SKA2: variants seen among roughly 807,000 people sequenced by gnomAD.
The protein encoded by SKA2 is spindle and kinetochore associated complex subunit 2.
In SKA2, 13 loss-of-function variants were observed where a neutral mutation model predicts 16.9. The ratio of observed to expected loss-of-function variants is 0.77; its 90% CI spans 0.50 to 1.22. The LOEUF is 1.22. Ranked by LOEUF, SKA2 falls within the 50% of genes most tolerant of loss-of-function variation. The pLI, the probability that SKA2 is intolerant of heterozygous loss-of-function variation, is 0.00. For missense variants in SKA2, 107 were observed against 139.7 expected (o/e 0.77, Z 1.18); for synonymous variants, 47 against 48.5 (o/e 0.97, Z 0.13).
chr17:59,147,839 A>AG (rs1002772231), intron 1 of SKA2, among the ~76,000 whole-genome samples: 3 of 151,832 alleles, frequency 2.0e-5, no homozygotes, highest in African/African-American at 7.2e-5. Context: ...CAAAAAAAAA[A>AG]AAAAAAATTT....
intron 1 of SKA2, among the ~76,000 whole-genome samples, chr17:59,136,716 G>GA (rs1185678022): frequency 2.7e-5 from 4 of 150,884 alleles, no homozygotes; most frequent in Non-Finnish European, 4.4e-5. Flanking sequence ...ACCCAGCTAA[G>GA]TTTTGTATTT....
intron 1 of SKA2, chr17:59,137,873 A>AT (rs772253516): frequency 2.8e-5 from 14 of 498,662 alleles, no homozygotes; most frequent in East Asian, 1.2e-4. Context: ...GATAAACAGA[A>AT]TTTTTTTTAG....
intron 1 of SKA2, chr17:59,137,840 T>C (rs2046457723): frequency 1.9e-6 from 1 of 529,056 alleles, no homozygotes; most frequent in Non-Finnish European, 3.9e-6. Context: ...AGAGACAATA[T>C]TGATAGGGTT....
At chr17:59,144,458 T>C (rs1337354515) in intron 1 of SKA2, among the ~76,000 whole-genome samples, 1 of 152,184 alleles carries the variant, frequency 6.6e-6, no homozygotes, top group East Asian at 1.9e-4. Flanking sequence ...GATATGTGTA[T>C]ACCCATTTTC....
At position 59,143,964 on chromosome 17, in the gene SKA2, C is replaced by G. The variant is rs547844072; in HGVS notation, c.33+11167G>C. On this transcript the variant is annotated intron_variant, in intron 1 of 3. Transcript: ENST00000330137. ...TGATGTCAAGAGATTGAGACCATCC[C>G]GGCCAACATGGTGAAACCCTGTCTC... Among the ~76,000 whole-genome samples the G allele has an allele frequency of 3.9e-5, 6 of 151,976 alleles. 1 individual carries two copies. Among genetic ancestry groups the G allele is most frequent in the African/African-American group, 1.4e-4 (6 of 41,490 alleles).
chr17:59,149,213 C>T (rs957677258), intron 1 of SKA2, among the ~76,000 whole-genome samples: 1 of 152,132 alleles, frequency 6.6e-6, no homozygotes, highest in Non-Finnish European at 1.5e-5. Flanking sequence ...GAAAACATTA[C>T]GTCCACACAA....
intron 1 of SKA2, among the ~76,000 whole-genome samples, chr17:59,136,947 T>C (rs956349046): frequency 1.3e-5 from 2 of 152,254 alleles, no homozygotes; most frequent in African/African-American, 4.8e-5. Flanking sequence ...TGTTTTCTTA[T>C]GTAGTTAGAC....
At chr17:59,124,616 T>C (rs905285046) in intron 2 of SKA2, among the ~76,000 whole-genome samples, 35 of 151,946 alleles carry the variant, frequency 2.3e-4, no homozygotes, top group African/African-American at 8.0e-4. Flanking sequence ...GAATGATGAG[T>C]TCCCCAAATA....
rs935679154 is a variant in SKA2 at position 59,154,356 on chromosome 17, C to T, written c.33+775G>A. The stretch of plus-strand genomic sequence containing the variant: ...CCTTAAAGAAAACTAGGACAGCCCC[C>T]CAGCTGGGCGCCCCCCGAGCAGGCC... On this transcript the variant is annotated intron_variant, in intron 1 of 3. Transcript: ENST00000330137. Among the ~76,000 whole-genome samples, 8 of 152,142 alleles carry T rather than the reference C, an allele frequency of 5.3e-5. No individual in the cohort carries two copies. In the South Asian group the frequency reaches 1.7e-3, roughly 32 times the overall value.
chr17:59,131,615 CA>C (rs1193517376), intron 1 of SKA2, among the ~76,000 whole-genome samples: 2 of 152,126 alleles, frequency 1.3e-5, no homozygotes, highest in African/African-American at 4.8e-5. Flanking sequence ...CATTTTGAGC[CA>C]AAATCAAGAT....
At chr17:59,147,173 G>GA (rs558716787) in intron 1 of SKA2, among the ~76,000 whole-genome samples, 61 of 151,738 alleles carry the variant, frequency 4.0e-4, no homozygotes, top group Non-Finnish European at 7.8e-4. Flanking sequence ...AATAAAAAAA[G>GA]AAACAATGTC....
rs2046319065 is a variant in SKA2 at position 59,119,513 on chromosome 17, T to G, written c.121-18A>C. On this transcript the variant is annotated intron_variant, in intron 2 of 3. Coordinates refer to ENST00000330137, the MANE Select transcript of SKA2 (RefSeq NM_182620.4). Reference sequence around the variant, plus strand: ...GGATTTTTCTATGTCAGGAAAAAAGTGAACATGTATTAAATTATGAAAGAT... The same window carrying G: ...GGATTTTTCTATGTCAGGAAAAAAGGGAACATGTATTAAATTATGAAAGAT... The G allele has an allele frequency of 6.2e-7, 1 of 1,605,242 alleles. No individual in the cohort carries two copies. Among genetic ancestry groups the G allele is most frequent in the Non-Finnish European group, 8.5e-7 (1 of 1,173,170 alleles).
intron 1 of SKA2, 98 bp downstream of exon 1, chr17:59,155,033 G>A: frequency 6.2e-7 from 1 of 1,613,950 alleles, no homozygotes; most frequent in Non-Finnish European, 8.5e-7. Context: ...TCCAGCCTCC[G>A]CCGCCCGGAG....
At chr17:59,136,642 G>A (rs542832147) in intron 1 of SKA2, among the ~76,000 whole-genome samples, 4 of 151,398 alleles carry the variant, frequency 2.6e-5, no homozygotes, top group Admixed American at 6.6e-5. Flanking sequence ...TCCACTTCCC[G>A]GGTTCAAGCG....
At chr17:59,124,803 C>T (rs1369383479) in intron 2 of SKA2, among the ~76,000 whole-genome samples, 1 of 152,052 alleles carries the variant, frequency 6.6e-6, no homozygotes, top group African/African-American at 2.4e-5. Context: ...TTAGCTCGAT[C>T]AATAAGACTG....
At chr17:59,144,764 G>C (rs1253771024) in intron 1 of SKA2, among the ~76,000 whole-genome samples, 6 of 152,036 alleles carry the variant, frequency 3.9e-5, no homozygotes, top group Non-Finnish European at 7.4e-5. Context: ...CTAGACGCTG[G>C]GGGGAGGGGA....
intron 2 of SKA2, among the ~76,000 whole-genome samples, chr17:59,125,273 G>C (rs1358180643): frequency 6.7e-6 from 1 of 149,852 alleles, no homozygotes; most frequent in Non-Finnish European, 1.5e-5. Context: ...TTACAGGTAT[G>C]AGCCACCGCG....
Position 59,121,151 on chromosome 17 carries a change from C to CAA in SKA2, c.121-1658_121-1657dup, listed in dbSNP as rs71145525. On this transcript the variant is annotated intron_variant, in intron 2 of 3. Coordinates refer to ENST00000330137, the MANE Select transcript of SKA2 (RefSeq NM_182620.4). ...TGGGCGACTGAGGGAGACTCCGTCT[C>CAA]AAAAAAAAAAAAAAAAGAAAAAGGG... is the stretch of plus-strand genomic sequence containing the variant. Among the ~76,000 whole-genome samples, 684 of 99,556 alleles carry CAA rather than the reference C, an allele frequency of 6.9e-3. 6 individuals carry two copies. Among genetic ancestry groups the CAA allele is most frequent in the African/African-American group, 0.022 (587 of 26,268 alleles). 65.3% of individuals were successfully genotyped at this position (99,556 alleles called of 152,430 possible).
chr17:59,122,074 T>G (rs957122148), intron 2 of SKA2, among the ~76,000 whole-genome samples: 15 of 151,866 alleles, frequency 9.9e-5, no homozygotes, highest in Admixed American at 2.0e-4. Flanking sequence ...GATGTTTCCA[T>G]GGGAGAAAAT....
Sources: allele counts gnomAD v4.1 joint callset (sites outside exome capture counted in the v4.1 genomes callset), GRCh38; gene constraint gnomAD v4.1.1; transcripts MANE v1.5; gene names NCBI Gene and HGNC (gene_info 2026-07-23, HGNC 2026-07-21).